Variants in FRAS1 observed in about 807,000 individuals in gnomAD.
FRAS1 encodes extracellular matrix organizing protein FRAS1.
FRAS1 carries 290 observed loss-of-function variants against 435.2 expected under a neutral mutation model. The observed-to-expected ratio is 0.67, with a 90% CI of 0.61 to 0.73. FRAS1 has a LOEUF of 0.73. Ranked by LOEUF, FRAS1 falls within the 30% of genes least tolerant of loss-of-function variation. The pLI, the probability that FRAS1 is intolerant of heterozygous loss-of-function variation, is 0.00. For missense variants in FRAS1, 4,860 were observed against 5,001.5 expected (o/e 0.97, Z 0.85); for synonymous variants, 1,800 against 1,851.0 (o/e 0.97, Z 0.71).
chr4:78,310,822 A>G (rs764698223), intron 15 of FRAS1, among the ~76,000 whole-genome samples: 2 of 152,232 alleles, frequency 1.3e-5, no homozygotes, highest in African/African-American at 2.4e-5. Flanking sequence ...TCAGATTAAT[A>G]CTATTCAAGA....
chr4:78,333,983 GAA>G (rs1052226741), intron 19 of FRAS1, among the ~76,000 whole-genome samples: 1 of 151,946 alleles, frequency 6.6e-6, no homozygotes, highest in Non-Finnish European at 1.5e-5. Context: ...TTTTATTGTG[GAA>G]AAAGTGTTGC....
At chr4:78,104,768 G>T (rs1347744112) in intron 2 of FRAS1, among the ~76,000 whole-genome samples, 1 of 152,164 alleles carries the variant, frequency 6.6e-6, no homozygotes, top group Non-Finnish European at 1.5e-5. Context: ...TCAACTGAAT[G>T]GGGGAGAAGG....
chr4:78,155,909 T>G (rs887400441), intron 2 of FRAS1, among the ~76,000 whole-genome samples: 5 of 152,122 alleles, frequency 3.3e-5, no homozygotes, highest in Non-Finnish European at 7.4e-5. Context: ...GGAGATACAT[T>G]TCTTTCCCAA....
chr4:78,374,865 C>T (rs1218662411), intron 25 of FRAS1, among the ~76,000 whole-genome samples: 1 of 152,148 alleles, frequency 6.6e-6, no homozygotes, highest in East Asian at 1.9e-4. Flanking sequence ...ACTAAATTTA[C>T]CCCATTTGCA....
At chr4:78,082,918 C>T (rs181188067) in intron 2 of FRAS1, among the ~76,000 whole-genome samples, 1 of 152,196 alleles carries the variant, frequency 6.6e-6, no homozygotes, top group East Asian at 1.9e-4. Flanking sequence ...TGATATTTCA[C>T]AATGCTCTTG....
intron 14 of FRAS1, among the ~76,000 whole-genome samples, chr4:78,307,511 C>CGTG (rs2110218717): frequency 6.6e-6 from 1 of 152,274 alleles, no homozygotes; most frequent in East Asian, 1.9e-4. Flanking sequence ...AGCGAGACTC[C>CGTG]GTGGGCGTAG....
At chr4:78,500,772 G>A (rs1166309142) in intron 61 of FRAS1, among the ~76,000 whole-genome samples, 1 of 152,136 alleles carries the variant, frequency 6.6e-6, no homozygotes, top group Admixed American at 6.6e-5. Context: ...ACTGATGTTT[G>A]CTGGAAAGCT....
chr4:78,363,160 C>A (rs545417125), intron 20 of FRAS1, among the ~76,000 whole-genome samples: 1 of 152,266 alleles, frequency 6.6e-6, no homozygotes, highest in East Asian at 1.9e-4. Flanking sequence ...CAGTCTCAGA[C>A]CCCCAGGGGA....
intron 2 of FRAS1, among the ~76,000 whole-genome samples, chr4:78,171,422 T>C (rs946855110): frequency 4.6e-5 from 7 of 152,150 alleles, no homozygotes; most frequent in African/African-American, 1.2e-4. Flanking sequence ...TATAGTATAA[T>C]GTTTTAATGA....
intron 68 of FRAS1, among the ~76,000 whole-genome samples, chr4:78,522,356 A>T (rs1372645941): frequency 6.6e-6 from 1 of 152,138 alleles, no homozygotes; most frequent in South Asian, 2.1e-4. Flanking sequence ...TCACATAAAG[A>T]CCCCTATTAT....
In FRAS1 at chr4:78,308,180, G is replaced by C; in HGVS notation, c.1649G>C (p.Gly550Ala). ...DGGCESSCGK[G>A]FYNRQGTCSA... ...GGCTGTGAGAGCAGCTGTGGAAAAG[G>C]CTTCTACAACAGGCAGGGCACCTGT... Residue 550 changes from glycine (G) to alanine (A), a missense_variant, in exon 15 of 74, where the codon GGC becomes GCC. Physicochemically the swap from Gly to Ala is moderately conservative, Grantham distance 60 (BLOSUM62 0). Coordinates refer to ENST00000512123, the MANE Select transcript of FRAS1 (RefSeq NM_025074.7). 2 of 1,613,946 alleles carry C rather than the reference G, an allele frequency of 1.2e-6. No homozygotes were observed. The highest frequency in any genetic ancestry group is 1.6e-4 in the Middle Eastern group (1 of 6,062).
intron 45 of FRAS1, 79 bp downstream of exon 45, chr4:78,450,418 G>A: frequency 1.7e-6 from 2 of 1,156,696 alleles, no homozygotes; most frequent in African/African-American, 3.0e-5. Context: ...ATATCTGGTA[G>A]TCTATGGCAA....
chr4:78,144,692 C>G (rs1479795187), intron 2 of FRAS1, among the ~76,000 whole-genome samples: 1 of 152,048 alleles, frequency 6.6e-6, no homozygotes, highest in Non-Finnish European at 1.5e-5. Flanking sequence ...CTTATAGATT[C>G]ACTTATATGT....
chr4:78,117,755 C>T (rs1166733941), intron 2 of FRAS1, among the ~76,000 whole-genome samples: 3 of 152,220 alleles, frequency 2.0e-5, no homozygotes, highest in Admixed American at 1.3e-4. Context: ...AGGTTTTTAA[C>T]TTCTTTGCCA....
chr4:78,093,890 T>C (rs1741653472), intron 2 of FRAS1, among the ~76,000 whole-genome samples: 2 of 152,164 alleles, frequency 1.3e-5, no homozygotes, highest in Non-Finnish European at 2.9e-5. Context: ...CAGAAGTTTG[T>C]TTTAATAGAT....
At position 78,495,197 on chromosome 4, in the gene FRAS1, A is replaced by G. The variant is rs574987291; in HGVS notation, c.8959-1608A>G. Among the ~76,000 whole-genome samples the G allele has an allele frequency of 4.6e-5, 7 of 152,072 alleles. No homozygotes were observed. In the East Asian group the frequency reaches 1.4e-3, roughly 29 times the overall value. ...ACTCACTGATTTGCAATGCTTTCTT[A>G]TATTTCCCAAATATTAATTCCTTGC... On this transcript the variant is annotated intron_variant, in intron 59 of 73. Transcript: ENST00000512123.
intron 5 of FRAS1, among the ~76,000 whole-genome samples, chr4:78,254,679 TG>T (rs1361347572): frequency 6.6e-6 from 1 of 152,168 alleles, no homozygotes; most frequent in Admixed American, 6.5e-5. Context: ...GAGGATCAAC[TG>T]GGGCCAACAA....
In FRAS1 at chr4:78,318,840, G is replaced by C. The variant is rs773935574; in HGVS notation, c.1991G>C (p.Gly664Ala). 2 of 1,611,578 alleles carry C rather than the reference G, an allele frequency of 1.2e-6. No homozygotes were observed. Among genetic ancestry groups the C allele is most frequent in the African/African-American group, 2.7e-5 (2 of 74,828 alleles). Residue 664 changes from glycine to alanine, a missense_variant, in exon 18 of 74, where the codon GGT becomes GCT. Transcript: ENST00000512123. ...CACTCCTCCTGCCTGGCTTGTATGG[G>C]TCCCGCACCCTCTCACTGTACTGGG... The part of the protein sequence containing the change: ...ACHSSCLACM[G>A]PAPSHCTGCK...
rs748047265 is a variant in FRAS1 at position 78,364,071 on chromosome 4, A to G, written c.2722+17A>G. On this transcript the variant is annotated intron_variant, in intron 22 of 73. Transcript: ENST00000512123. ...TTTGCCAGCGTAGGTTTTTCCAATG[A>G]ACCTTCTCTCCTTTCCTTCTTTTCC... 1.9e-5 allele frequency: 30 copies of G among 1,564,634 alleles called. No homozygotes were observed. In the South Asian group the frequency reaches 3.5e-4, roughly 18 times the overall value.
Sources: allele counts gnomAD v4.1 joint callset (sites outside exome capture counted in the v4.1 genomes callset), GRCh38; gene constraint gnomAD v4.1.1; transcripts MANE v1.5; gene names NCBI Gene and HGNC (gene_info 2026-07-23, HGNC 2026-07-21).